Variants in TMEM244 observed in about 807,000 individuals in gnomAD.
The protein encoded by TMEM244 is putative transmembrane protein 244.
A neutral mutation model predicts 15.8 loss-of-function variants in TMEM244; 13 were observed. The ratio of observed to expected loss-of-function variants is 0.82; its 90% CI spans 0.53 to 1.30. TMEM244 has a LOEUF of 1.30. Among genes scored for constraint, TMEM244 ranks in the 50% most tolerant of loss-of-function variants. TMEM244 has a pLI of 0.00. For synonymous variants in TMEM244, 45 were observed against 48.7 expected (o/e 0.92, Z 0.32); for missense variants, 161 against 144.9 (o/e 1.11, Z -0.57).
intron 2 of TMEM244, 111 bp from the exon 3 acceptor site, chr6:129,843,714 C>T: frequency 1.6e-6 from 1 of 643,868 alleles, no homozygotes; most frequent in East Asian, 2.9e-5. Flanking sequence ...TGCGATTCAC[C>T]CACATTGTGG....
At chr6:129,843,989 C>A (rs1776528274) in intron 2 of TMEM244, among the ~76,000 whole-genome samples, 1 of 152,112 alleles carries the variant, frequency 6.6e-6, no homozygotes, top group Non-Finnish European at 1.5e-5. Flanking sequence ...CTAAATGGTG[C>A]TATAACATAT....
At chr6:129,855,279 T>C (rs895139691) in intron 1 of TMEM244, among the ~76,000 whole-genome samples, 1 of 152,218 alleles carries the variant, frequency 6.6e-6, no homozygotes, top group African/African-American at 2.4e-5. Flanking sequence ...ATAGTTTTTC[T>C]TTTTTTAAAA....
At chr6:129,845,068 C>T (rs1171010739) in intron 2 of TMEM244, among the ~76,000 whole-genome samples, 1 of 152,088 alleles carries the variant, frequency 6.6e-6, no homozygotes, top group East Asian at 1.9e-4. Context: ...TTTACACTTA[C>T]ATAAAAATGA....
At chr6:129,855,696 A>G (rs972983476) in intron 1 of TMEM244, among the ~76,000 whole-genome samples, 1 of 152,122 alleles carries the variant, frequency 6.6e-6, no homozygotes, top group Non-Finnish European at 1.5e-5. Flanking sequence ...GATTCTTCGG[A>G]GAAGAACTCT....
At position 129,839,971 on chromosome 6, in the gene TMEM244, G is replaced by T. The variant is rs190447515; in HGVS notation, c.193+3559C>A. Among the ~76,000 whole-genome samples the T allele has an allele frequency of 2.0e-5, 3 of 152,214 alleles. No individual in the cohort carries two copies. The East Asian group carries it at 5.8e-4, about 29-fold the overall frequency. On this transcript the variant is annotated intron_variant, in intron 3 of 4. Coordinates refer to ENST00000368143, the MANE Select transcript of TMEM244 (RefSeq NM_001010876.2). Reference sequence around the variant, plus strand: ...AAGAACATTCCATGCTCATGAATAGGAAGAATCAGTATCGTGAAAATGGCC... The same window carrying T: ...AAGAACATTCCATGCTCATGAATAGTAAGAATCAGTATCGTGAAAATGGCC...
At chr6:129,844,116 C>T (rs149172409) in intron 2 of TMEM244, among the ~76,000 whole-genome samples, 13 of 151,980 alleles carry the variant, frequency 8.6e-5, no homozygotes, top group African/African-American at 3.1e-4. Context: ...AAAATGACAC[C>T]TATTATATGA....
chr6:129,844,672 G>C (rs1258682738), intron 2 of TMEM244, among the ~76,000 whole-genome samples: 2 of 152,090 alleles, frequency 1.3e-5, no homozygotes, highest in African/African-American at 4.8e-5. Context: ...TTAAAATCCG[G>C]TGCTCAGAGA....
intron 1 of TMEM244, among the ~76,000 whole-genome samples, chr6:129,846,983 A>G (rs1200382541): frequency 1.3e-5 from 2 of 152,220 alleles, no homozygotes; most frequent in East Asian, 3.8e-4. Flanking sequence ...TGTACCAGAC[A>G]CCACAATAAA....
rs1190943190 is a variant in TMEM244 at position 129,843,566 on chromosome 6, T to C, written c.157A>G (p.Lys53Glu). ...ELNVLAPFDF[K>E]TNPSWLNINY... ...ATGTTGAGCCATGAGGGATTTGTTT[T>C]GAAATCAAATGGAGCCAGGACATTC... The change falls in exon 3 of 5, where the codon AAA (lysine) becomes GAA (glutamate). Residue 53 changes from lysine to glutamate, a missense_variant. Coordinates refer to ENST00000368143, the MANE Select transcript of TMEM244 (RefSeq NM_001010876.2). The C allele has an allele frequency of 6.2e-7, 1 of 1,612,626 alleles. No homozygotes were observed. Among genetic ancestry groups the C allele is most frequent in the Non-Finnish European group, 8.5e-7 (1 of 1,178,938 alleles).
At chr6:129,843,733 A>G (rs763860391) in intron 2 of TMEM244, 130 bp from the exon 3 acceptor site, 50 of 583,870 alleles carry the variant, frequency 8.6e-5, no homozygotes, top group Non-Finnish European at 1.4e-4. Flanking sequence ...GGCACATTTC[A>G]AAACTGGCTG....
intron 2 of TMEM244, 64 bp from the exon 3 acceptor site, chr6:129,843,667 G>A: frequency 8.7e-7 from 1 of 1,151,718 alleles, no homozygotes; most frequent in East Asian, 2.4e-5. Flanking sequence ...GCACATCAAA[G>A]TGACACACGT....
chr6:129,860,509 A>G (rs1332733193), intron 1 of TMEM244, among the ~76,000 whole-genome samples: 1 of 152,118 alleles, frequency 6.6e-6, no homozygotes, highest in African/African-American at 2.4e-5. Context: ...ACTCACTCAT[A>G]ATTGTAATTT....
intron 1 of TMEM244, among the ~76,000 whole-genome samples, chr6:129,847,217 A>T (rs1324938915): frequency 6.6e-6 from 1 of 152,190 alleles, no homozygotes; most frequent in Admixed American, 6.6e-5. Context: ...CTTCACTGTT[A>T]ACCTTTTCAA....
At position 129,831,380 on chromosome 6, in the gene TMEM244, A is replaced by G. The variant is rs1372331930; in HGVS notation, c.326T>C (p.Leu109Ser). ...CCAATGTGATGTCAAGGGGAATTCCAACATAACTGCAATAGAAAAAAAATG... is the reference window on the plus strand; with the variant it reads ...CCAATGTGATGTCAAGGGGAATTCCGACATAACTGCAATAGAAAAAAAATG... ...LHVAITSTVM[L>S]EFPLTSHWWA... The change falls in exon 5 of 5, where the codon TTG becomes TCG. Residue 109 changes from leucine to serine, a missense_variant. Leu to Ser is a moderately radical substitution (Grantham distance 145, BLOSUM62 -2). Coordinates refer to ENST00000368143, the MANE Select transcript of TMEM244 (RefSeq NM_001010876.2). The G allele has an allele frequency of 5.1e-6, 8 of 1,572,514 alleles. No homozygotes were observed. Among genetic ancestry groups the G allele is most frequent in the Non-Finnish European group, 7.0e-6 (8 of 1,142,012 alleles).
intron 3 of TMEM244, among the ~76,000 whole-genome samples, chr6:129,841,528 C>G (rs1225792339): frequency 6.6e-6 from 1 of 151,982 alleles, no homozygotes; most frequent in Non-Finnish European, 1.5e-5. Context: ...ATTTAACAAA[C>G]CTGCACATTG....
Position 129,833,460 on chromosome 6 carries a change from C to A in TMEM244, c.319G>T (p.Val107Phe). 6.2e-7 allele frequency: 1 copy of A among 1,609,748 alleles called. No individual in the cohort carries two copies. Among genetic ancestry groups the A allele is most frequent in the South Asian group, 1.1e-5 (1 of 90,042 alleles). ...GTTTCTGTTATTTTATTCTGCTTAC[C>A]AGTTGAAGTGATGGCAACATGAAGA... is the stretch of plus-strand genomic sequence containing the variant. The part of the protein sequence containing the change: ...TILHVAITST[V>F]MLEFPLTSHW... Residue 107 changes from valine to phenylalanine, a missense_variant and splice_region_variant, in exon 4 of 5, where the codon GTT becomes TTT. Val to Phe is a conservative substitution (Grantham distance 50, BLOSUM62 -1). Transcript: ENST00000368143.
intron 1 of TMEM244, among the ~76,000 whole-genome samples, chr6:129,857,315 T>TACAC (rs1221512705): frequency 2.1e-5 from 2 of 93,190 alleles, no homozygotes; most frequent in Non-Finnish European, 5.5e-5. Context: ...TATATGTGTG[T>TACAC]ATACACACAC....
chr6:129,837,447 CA>C (rs905459287), intron 3 of TMEM244, among the ~76,000 whole-genome samples: 1 of 152,204 alleles, frequency 6.6e-6, no homozygotes, highest in African/African-American at 2.4e-5. Flanking sequence ...AAAGGAACAA[CA>C]GGTACTAGCC....
intron 1 of TMEM244, 59 bp downstream of exon 1, chr6:129,861,097 A>G: frequency 6.3e-7 from 1 of 1,592,358 alleles, no homozygotes; most frequent in Non-Finnish European, 8.6e-7. Flanking sequence ...GAACATATTC[A>G]TTTACACCAG....
Sources: gnomAD v4.1 joint callset for allele counts (sites outside exome capture counted in the v4.1 genomes callset) on GRCh38, gnomAD v4.1.1 for gene constraint, MANE v1.5 for transcripts, NCBI Gene and HGNC (gene_info 2026-07-23, HGNC 2026-07-21) for gene names.